RAB38: variants seen among roughly 807,000 people sequenced by gnomAD.
The protein encoded by RAB38 is ras-related protein Rab-38.
Under a neutral mutation model 18.4 loss-of-function variants are expected in RAB38, and 15 were observed. The observed-to-expected ratio is 0.82, with a 90% CI of 0.55 to 1.26. The LOEUF (loss-of-function observed/expected upper bound fraction) is 1.26, where lower values mean the gene tolerates loss of function less well. RAB38 is among the 50% of genes most tolerant of loss of function. The pLI is 0.00. For synonymous variants in RAB38, 101 were observed against 104.4 expected (o/e 0.97, Z 0.20); for missense variants, 294 against 267.4 (o/e 1.10, Z -0.69).
At chr11:88,033,779 G>A in the RAB38 span, among the ~76,000 whole-genome samples, 1 of 145,164 alleles carries the variant, frequency 6.9e-6, no homozygotes, top group Non-Finnish European at 1.5e-5. Context: ...CCAGGCTGGA[G>A]TACAGTGGCG....
At chr11:87,938,961 C>A in the RAB38 span, among the ~76,000 whole-genome samples, 1,740 of 152,056 alleles carry the variant, frequency 0.011, 29 homozygotes, top group African/African-American at 0.035. Context: ...CTCCCAGAAA[C>A]AGAAGTCCTT....
In RAB38 at chr11:88,173,973, A is replaced by C. The variant is rs919308601; in HGVS notation, c.202+1210T>G. 9.1e-6 allele frequency: 9 copies of C among 985,354 alleles called. No homozygotes were observed. In the African/African-American group the frequency reaches 1.6e-4, roughly 17 times the overall value. 61.0% of individuals were successfully genotyped at this position (985,354 alleles called of 1,614,324 possible). A position where few individuals can be genotyped will look rare whatever the true frequency, so the allele number is the denominator to read the frequency against. ...TAAAGAGTTTCCAATCAAATGCATCAGCTAAAATGAATCCATTTTCTGAAA... is the reference window on the plus strand; with the variant it reads ...TAAAGAGTTTCCAATCAAATGCATCCGCTAAAATGAATCCATTTTCTGAAA... On this transcript the variant is annotated intron_variant, in intron 1 of 2. Coordinates refer to ENST00000243662, the MANE Select transcript of RAB38 (RefSeq NM_022337.3).
chr11:87,873,505 T>A, the RAB38 span, among the ~76,000 whole-genome samples: 1 of 151,538 alleles, frequency 6.6e-6, no homozygotes, highest in Non-Finnish European at 1.5e-5. Context: ...CCACTGGTGT[T>A]GTATCTAAAA....
chr11:88,034,965 C>T, the RAB38 span, among the ~76,000 whole-genome samples: 1 of 152,202 alleles, frequency 6.6e-6, no homozygotes, highest in South Asian at 2.1e-4. Flanking sequence ...TCATCAGCTG[C>T]ATATGAGAGC....
chr11:87,877,451 C>A, the RAB38 span, among the ~76,000 whole-genome samples: 1 of 151,502 alleles, frequency 6.6e-6, no homozygotes, highest in Non-Finnish European at 1.5e-5. Flanking sequence ...CCTCCCTCCC[C>A]CCACACCCAT....
the RAB38 span, among the ~76,000 whole-genome samples, chr11:87,820,228 A>C: frequency 1.3e-5 from 2 of 152,162 alleles, no homozygotes; most frequent in Non-Finnish European, 2.9e-5. Context: ...ATGGAGTGAA[A>C]GAGACAGGAA....
chr11:87,889,975 A>G, the RAB38 span, among the ~76,000 whole-genome samples: 2 of 151,952 alleles, frequency 1.3e-5, no homozygotes, highest in South Asian at 2.1e-4. Context: ...AAAATTATAT[A>G]CATTATAAAT....
the RAB38 span, among the ~76,000 whole-genome samples, chr11:87,910,783 G>A: frequency 1.3e-3 from 194 of 151,922 alleles, no homozygotes; most frequent in African/African-American, 4.6e-3. Flanking sequence ...TGGGATTACA[G>A]GCATGCACCA....
chr11:88,094,571 T>C, the RAB38 span, among the ~76,000 whole-genome samples: 2 of 151,880 alleles, frequency 1.3e-5, no homozygotes, highest in Non-Finnish European at 2.9e-5. Flanking sequence ...TCCACTTAAC[T>C]CTCTTGTCAA....
chr11:88,074,480 T>G, the RAB38 span, among the ~76,000 whole-genome samples: 1 of 152,164 alleles, frequency 6.6e-6, no homozygotes, highest in African/African-American at 2.4e-5. Flanking sequence ...GTCATCTCTT[T>G]AAATAACTTG....
chr11:88,066,211 G>A, the RAB38 span, among the ~76,000 whole-genome samples: 113,661 of 152,094 alleles, frequency 0.75, 42,555 homozygotes, highest in East Asian at 0.77. Flanking sequence ...GACATTGGTA[G>A]GGATTTTGCT....
the RAB38 span, among the ~76,000 whole-genome samples, chr11:88,095,180 T>C: frequency 6.6e-6 from 1 of 151,944 alleles, no homozygotes; most frequent in African/African-American, 2.4e-5. Context: ...ACACAAGATA[T>C]AAGCAAAAAT....
At chr11:88,006,758 C>G in the RAB38 span, among the ~76,000 whole-genome samples, 1 of 151,096 alleles carries the variant, frequency 6.6e-6, no homozygotes, top group Non-Finnish European at 1.5e-5. Context: ...CACAGAAAGA[C>G]AAATATCACA....
chr11:88,134,932 T>G (rs950740483), intron 2 of RAB38, among the ~76,000 whole-genome samples: 3 of 152,224 alleles, frequency 2.0e-5, no homozygotes, highest in Non-Finnish European at 2.9e-5. Context: ...ATCACTCTGC[T>G]ATTGCTCACT....
At chr11:88,061,256 C>T in the RAB38 span, among the ~76,000 whole-genome samples, 1 of 152,206 alleles carries the variant, frequency 6.6e-6, no homozygotes, top group African/African-American at 2.4e-5. Context: ...AGCATCATTT[C>T]TGTCTGGTTC....
At chr11:88,005,598 A>G in the RAB38 span, among the ~76,000 whole-genome samples, 1 of 149,116 alleles carries the variant, frequency 6.7e-6, no homozygotes, top group Middle Eastern at 3.4e-3. Context: ...TTTTTTTTTA[A>G]TTTCATATGA....
chr11:88,096,616 T>C, the RAB38 span, among the ~76,000 whole-genome samples: 1 of 151,638 alleles, frequency 6.6e-6, no homozygotes, highest in African/African-American at 2.4e-5. Flanking sequence ...TGTTGATAAA[T>C]GAGTTATATT....
the RAB38 span, among the ~76,000 whole-genome samples, chr11:87,843,181 T>A: frequency 6.6e-6 from 1 of 152,232 alleles, no homozygotes; most frequent in Non-Finnish European, 1.5e-5. Context: ...CGCTTATGTC[T>A]ACCTCTCTGA....
chr11:87,922,700 A>ATT, the RAB38 span, among the ~76,000 whole-genome samples: 2 of 151,972 alleles, frequency 1.3e-5, no homozygotes, highest in Non-Finnish European at 2.9e-5. Flanking sequence ...TGTGGTAGTT[A>ATT]TTTATTTTTT....
Sources: gnomAD v4.1 joint callset for allele counts (sites outside exome capture counted in the v4.1 genomes callset) on GRCh38, gnomAD v4.1.1 for gene constraint, MANE v1.5 for transcripts, NCBI Gene and HGNC (gene_info 2026-07-23, HGNC 2026-07-21) for gene names.